The following CDH13 variants were observed in gnomAD, a reference collection of about 807,000 sequenced individuals.
The protein encoded by CDH13 is cadherin-13.
In CDH13, 24 loss-of-function variants were observed where a neutral mutation model predicts 63.8. That is an observed-to-expected ratio of 0.38 (90% CI 0.27 to 0.53). The LOEUF is 0.53. Among genes scored for constraint, CDH13 ranks in the 20% least tolerant of loss-of-function variants. The pLI, the probability that CDH13 is intolerant of heterozygous loss-of-function variation, is 0.85. For synonymous variants in CDH13, 503 were observed against 355.3 expected, an observed-to-expected ratio of 1.42 and a Z score of -4.67; for missense variants, 1,049 against 903.1, an observed-to-expected ratio of 1.16 and a Z score of -2.07.
intron 6 of CDH13, among the ~76,000 whole-genome samples, chr16:83,415,036 AAAG>A (rs1405428856): frequency 6.6e-6 from 1 of 152,154 alleles, no homozygotes; most frequent in Non-Finnish European, 1.5e-5. Context: ...TAAGGGGAAA[AAAG>A]AGAGAAGATT....
intron 3 of CDH13, among the ~76,000 whole-genome samples, chr16:83,034,838 G>A (rs569581446): frequency 1.3e-5 from 2 of 152,154 alleles, no homozygotes; most frequent in Admixed American, 6.5e-5. Flanking sequence ...GTTTCTGTGA[G>A]ATGCCATCCA....
At chr16:83,772,757 C>T (rs1449423102) in intron 11 of CDH13, 2 of 152,310 alleles carry the variant, frequency 1.3e-5, no homozygotes, top group Non-Finnish European at 2.9e-5. Context: ...ATACACCACC[C>T]CTCACCTCAC....
chr16:83,023,334 C>T (rs1915517785), intron 2 of CDH13, among the ~76,000 whole-genome samples: 1 of 150,974 alleles, frequency 6.6e-6, no homozygotes, highest in Non-Finnish European at 1.5e-5. Flanking sequence ...CCAGGGTGTT[C>T]TAAGATTATC....
intron 7 of CDH13, among the ~76,000 whole-genome samples, chr16:83,541,743 G>A (rs1178022477): frequency 6.6e-6 from 1 of 152,196 alleles, no homozygotes; most frequent in African/African-American, 2.4e-5. Flanking sequence ...AGAAACAGTG[G>A]TTTATTTGTT....
intron 10 of CDH13, among the ~76,000 whole-genome samples, chr16:83,697,636 C>T (rs970062123): frequency 3.9e-5 from 6 of 152,284 alleles, no homozygotes; most frequent in East Asian, 1.9e-4. Flanking sequence ...GAAACCTAAC[C>T]GTGTATTCTT....
At chr16:82,629,239 T>G (rs768318736) in intron 1 of CDH13, among the ~76,000 whole-genome samples, 11 of 152,234 alleles carry the variant, frequency 7.2e-5, no homozygotes, top group Non-Finnish European at 1.5e-4. Flanking sequence ...AGGTGGGTTC[T>G]GAAGGCTCAC....
At chr16:82,792,951 T>C (rs560594936) in intron 1 of CDH13, among the ~76,000 whole-genome samples, 28 of 152,344 alleles carry the variant, frequency 1.8e-4, no homozygotes, top group African/African-American at 2.6e-4. Flanking sequence ...TGGACTGTTA[T>C]GCGAGGAAAT....
At chr16:83,327,489 C>T (rs2090390485) in intron 5 of CDH13, among the ~76,000 whole-genome samples, 1 of 152,160 alleles carries the variant, frequency 6.6e-6, no homozygotes, top group Non-Finnish European at 1.5e-5. Flanking sequence ...ATTCATTGTT[C>T]ATTTGTTACA....
At chr16:82,955,657 G>T (rs964350594) in intron 2 of CDH13, among the ~76,000 whole-genome samples, 2 of 152,100 alleles carry the variant, frequency 1.3e-5, no homozygotes, top group Non-Finnish European at 2.9e-5. Flanking sequence ...ACAGTGGGGG[G>T]ACAAAAACAG....
At chr16:83,084,439 A>C (rs1234292104) in intron 3 of CDH13, among the ~76,000 whole-genome samples, 3 of 152,212 alleles carry the variant, frequency 2.0e-5, no homozygotes, top group African/African-American at 7.2e-5. Context: ...TTGTCAGAGC[A>C]TCTTTGTGGA....
At chr16:83,020,060 G>T (rs1915203974) in intron 2 of CDH13, among the ~76,000 whole-genome samples, 1 of 152,090 alleles carries the variant, frequency 6.6e-6, no homozygotes, top group Admixed American at 6.6e-5. Flanking sequence ...TAGGCAATAG[G>T]ACTTTTTCAG....
intron 1 of CDH13, among the ~76,000 whole-genome samples, chr16:82,839,986 T>G (rs1026076572): frequency 2.6e-5 from 4 of 152,184 alleles, no homozygotes; most frequent in African/African-American, 9.7e-5. Context: ...TTTCAAGTAA[T>G]TGAACTTCTG....
chr16:82,973,893 T>A (rs1909128763), intron 2 of CDH13, among the ~76,000 whole-genome samples: 1 of 152,142 alleles, frequency 6.6e-6, no homozygotes, highest in Non-Finnish European at 1.5e-5. Flanking sequence ...TCACACACCT[T>A]ATTTTTTGCT....
At chr16:83,017,819 C>T (rs968094673) in intron 2 of CDH13, among the ~76,000 whole-genome samples, 2 of 152,092 alleles carry the variant, frequency 1.3e-5, no homozygotes, top group Non-Finnish European at 2.9e-5. Flanking sequence ...CCATTTATAC[C>T]AGCTGGAAGA....
Position 83,441,251 on chromosome 16 carries a change from G to C in CDH13, c.782-45226G>C, listed in dbSNP as rs531512450. ...ATCTCTACCTGTTGTTCAATACTTT[G>C]AGTACCACTCTGGTAATGAAATAAT... On this transcript the variant is annotated intron_variant, in intron 6 of 13. Coordinates refer to ENST00000567109, the MANE Select transcript of CDH13 (RefSeq NM_001257.5). 2.6e-5 allele frequency among the ~76,000 whole-genome samples: 4 copies of C among 152,226 alleles called. No individual in the cohort carries two copies. The South Asian group carries it at 8.3e-4, about 32-fold the overall frequency.
chr16:83,126,835 T>G (rs921102139), intron 4 of CDH13, among the ~76,000 whole-genome samples: 1 of 152,030 alleles, frequency 6.6e-6, no homozygotes, highest in Non-Finnish European at 1.5e-5. Flanking sequence ...TTGGACTGGG[T>G]GTGAAGAAGC....
chr16:82,728,338 C>T (rs1256083865), intron 1 of CDH13, among the ~76,000 whole-genome samples: 1 of 152,104 alleles, frequency 6.6e-6, no homozygotes, highest in Non-Finnish European at 1.5e-5. Flanking sequence ...TTCTATCCAT[C>T]CACTTTTCCT....
At chr16:83,070,858 C>A (rs1011617519) in intron 3 of CDH13, among the ~76,000 whole-genome samples, 6 of 110,324 alleles carry the variant, frequency 5.4e-5, no homozygotes, top group African/African-American at 8.3e-5. Flanking sequence ...ATAAACAGCC[C>A]CCCCCCCCCC....
At chr16:83,583,276 A>G (rs761321897) in intron 7 of CDH13, among the ~76,000 whole-genome samples, 35 of 152,096 alleles carry the variant, frequency 2.3e-4, no homozygotes, top group Non-Finnish European at 4.6e-4. Context: ...GCAGAGACCC[A>G]TTTTTCCAAA....
Sources: gnomAD v4.1 joint callset for allele counts (sites outside exome capture counted in the v4.1 genomes callset) on GRCh38, gnomAD v4.1.1 for gene constraint, MANE v1.5 for transcripts, NCBI Gene and HGNC (gene_info 2026-07-23, HGNC 2026-07-21) for gene names.